Variants in MAPK6 observed in about 807,000 individuals in gnomAD.
The protein encoded by MAPK6 is ERK-3.
A neutral mutation model predicts 59.3 loss-of-function variants in MAPK6; 19 were observed. The observed-to-expected ratio is 0.32, with a 90% CI of 0.22 to 0.47. The LOEUF (loss-of-function observed/expected upper bound fraction) is 0.47, where lower values mean the gene tolerates loss of function less well. MAPK6 is among the 20% of genes least tolerant of loss of function. The pLI is 1.00. For missense variants in MAPK6, 724 were observed against 847.9 expected, an observed-to-expected ratio of 0.85 and a Z score of 1.81; for synonymous variants, 316 against 290.3, an observed-to-expected ratio of 1.09 and a Z score of -0.90.
chr15:51,997,827 G>T (rs962555547), intron 2 of MAPK6, among the ~76,000 whole-genome samples: 1 of 151,588 alleles, frequency 6.6e-6, no homozygotes, highest in African/African-American at 2.4e-5. Context: ...CCTGACCTCT[G>T]GCGATCCACC....
chr15:52,028,557 A>C (rs925823004), intron 1 of MAPK6, among the ~76,000 whole-genome samples: 2 of 152,286 alleles, frequency 1.3e-5, no homozygotes, highest in Non-Finnish European at 2.9e-5. Flanking sequence ...TTAAAAGAAA[A>C]ATTTAAAAAA....
intron 2 of MAPK6, among the ~76,000 whole-genome samples, chr15:51,999,624 T>C (rs1053320530): frequency 6.6e-6 from 1 of 152,116 alleles, no homozygotes; most frequent in Admixed American, 6.6e-5. Flanking sequence ...TATTTTAGTT[T>C]CCCTCTTTTT....
At chr15:52,040,071 G>C (rs2031370135) in intron 1 of MAPK6, among the ~76,000 whole-genome samples, 2 of 152,322 alleles carry the variant, frequency 1.3e-5, no homozygotes, top group East Asian at 3.9e-4. Flanking sequence ...TTAGGAGCAA[G>C]GGCTTTGTCA....
Position 52,064,863 on chromosome 15 carries a change from A to G in MAPK6, c.2029A>G (p.Ile677Val), listed in dbSNP as rs2032351549. 1 of 1,611,894 alleles carries G rather than the reference A, an allele frequency of 6.2e-7. No homozygotes were observed. Among genetic ancestry groups the G allele is most frequent in the African/African-American group, 1.3e-5 (1 of 74,856 alleles). ...EFLFNKQLES[I>V]GIPQFHSPVG... is the part of the protein sequence containing the mutation. ...CCTCTTTAACAAGCAGCTCGAGTCCATAGGCATCCCACAGTTTCACAGTCC... is the reference window on the plus strand; with the variant it reads ...CCTCTTTAACAAGCAGCTCGAGTCCGTAGGCATCCCACAGTTTCACAGTCC... The change falls in exon 6 of 6, where the codon ATA becomes GTA. Residue 677 changes from isoleucine to valine, a missense_variant. Ile to Val is a conservative substitution (Grantham distance 29). Coordinates refer to ENST00000261845, the MANE Select transcript of MAPK6 (RefSeq NM_002748.4).
intron 1 of MAPK6, among the ~76,000 whole-genome samples, chr15:51,979,962 T>C (rs1420860708): frequency 2.6e-5 from 4 of 151,664 alleles, no homozygotes; most frequent in African/African-American, 9.7e-5. Flanking sequence ...TCTGTACCTT[T>C]TGAATTTTGT....
intron 2 of MAPK6, among the ~76,000 whole-genome samples, chr15:51,986,388 A>G (rs568014069): frequency 6.6e-6 from 1 of 152,158 alleles, no homozygotes; most frequent in South Asian, 2.1e-4. Flanking sequence ...TTTTTTTTTA[A>G]GTATATGTAT....
intron 3 of MAPK6, among the ~76,000 whole-genome samples, chr15:52,054,140 A>G (rs575226731): frequency 4.6e-4 from 70 of 151,646 alleles, no homozygotes; most frequent in African/African-American, 1.6e-3. Flanking sequence ...TGCGGAGGCA[A>G]GTGGATCACC....
intron 3 of MAPK6, 140 bp from the exon 4 acceptor site, chr15:52,058,493 A>C: frequency 1.6e-6 from 1 of 629,850 alleles, no homozygotes; most frequent in East Asian, 3.0e-5. Flanking sequence ...GGTGATAGTC[A>C]AAGCAATGAA....
Position 52,046,681 on chromosome 15 carries a change from A to G in MAPK6, c.221A>G (p.His74Arg). Residue 74 changes from histidine (H) to arginine (R), a missense_variant, in exon 2 of 6, where the codon CAT (histidine) becomes CGT (arginine). His to Arg is a conservative substitution (Grantham distance 29). This residue lies in a region of MAPK6 where 87 missense variants were observed against 93.0 expected (regional missense o/e 0.93). Coordinates refer to ENST00000261845, the MANE Select transcript of MAPK6 (RefSeq NM_002748.4). ...ATCAAAATTATTAGAAGACTTGACC[A>G]TGATAACATTGTGAAAGTGTTTGAG... ...REIKIIRRLD[H>R]DNIVKVFEIL... 1 of 1,614,212 alleles carries G rather than the reference A, an allele frequency of 6.2e-7. No homozygotes were observed. The highest frequency in any genetic ancestry group is 1.7e-5 in the Admixed American group (1 of 60,024).
In MAPK6 at chr15:52,046,454, T is replaced by C. The variant is rs2031594779; in HGVS notation, c.-7T>C. 2.5e-6 allele frequency: 4 copies of C among 1,586,602 alleles called. No individual in the cohort carries two copies. The highest frequency in any genetic ancestry group is 1.8e-5 in the Admixed American group (1 of 55,236). On this transcript the variant is annotated 5_prime_UTR_variant, in exon 2 of 6. Transcript: ENST00000261845. ...TGAAAGGAAAAGGCAATAGTAAGGGTTTCAAAATGGCAGAGAAATTTGAAA... is the reference window on the plus strand; with the variant it reads ...TGAAAGGAAAAGGCAATAGTAAGGGCTTCAAAATGGCAGAGAAATTTGAAA...
chr15:52,013,007 AAAAAAAAAAAAAAATATATATATATAT>A (rs1392043526), intron 3 of MAPK6, among the ~76,000 whole-genome samples: 31 of 22,494 alleles, frequency 1.4e-3, no homozygotes, highest in Non-Finnish European at 2.7e-3. Flanking sequence ...AAAAAAAAAA[AAAAAAAAAAAAAAATATATATATATAT>A]ATATATATAT....
intron 3 of MAPK6, among the ~76,000 whole-genome samples, chr15:52,052,661 G>A (rs1381553193): frequency 6.6e-6 from 1 of 152,154 alleles, no homozygotes. Context: ...TGGACTTTGT[G>A]ACAGGCTTCT....
chr15:52,029,646 T>C (rs2441781), intron 1 of MAPK6, among the ~76,000 whole-genome samples: 20,069 of 152,188 alleles, frequency 0.13, 2,419 homozygotes, highest in African/African-American at 0.3. Flanking sequence ...CCAGTCTTTC[T>C]CTCTTCTGTA....
chr15:51,974,453 G>A (rs1368186658), intron 1 of MAPK6, among the ~76,000 whole-genome samples: 4 of 150,996 alleles, frequency 2.6e-5, no homozygotes, highest in South Asian at 2.1e-4. Flanking sequence ...TCAGGAGATC[G>A]AGACCATCCT....
intron 2 of MAPK6, among the ~76,000 whole-genome samples, chr15:51,998,730 G>A (rs1461695040): frequency 2.6e-5 from 2 of 76,946 alleles, no homozygotes; most frequent in South Asian, 4.1e-4. Context: ...TCGCTCTGCC[G>A]CCCAGGCTGG....
At chr15:52,001,543 CTG>C (rs1162674517) in intron 2 of MAPK6, among the ~76,000 whole-genome samples, 3 of 138,368 alleles carry the variant, frequency 2.2e-5, no homozygotes, top group Non-Finnish European at 4.6e-5. Context: ...GAGTCCCACT[CTG>C]TCACCCAGTC....
chr15:52,029,785 A>T (rs1288832318), intron 1 of MAPK6, among the ~76,000 whole-genome samples: 2 of 152,060 alleles, frequency 1.3e-5, no homozygotes, highest in Non-Finnish European at 2.9e-5. Context: ...TTACATCTTT[A>T]TTTCTGCCAC....
chr15:52,049,724 C>T (rs947935861), intron 2 of MAPK6, among the ~76,000 whole-genome samples: 1 of 151,388 alleles, frequency 6.6e-6, no homozygotes, highest in African/African-American at 2.4e-5. Context: ...GAGCGATTCT[C>T]CTGGCTCAGC....
rs544544057 is a variant in MAPK6, at chr15:51,989,174, G to A, written c.-770+5859G>A. Among the ~76,000 whole-genome samples, 183 of 151,576 alleles carry A rather than the reference G, an allele frequency of 1.2e-3. 1 individual carries two copies. The highest frequency in any genetic ancestry group is 3.4e-3 in the Admixed American group (52 of 15,192). Reference sequence around the variant, plus strand: ...GGCTCACTGTAACCTCTGCTTTCCGGGTTCAAGCAATTCTCCCACCTCAGC... The same window carrying A: ...GGCTCACTGTAACCTCTGCTTTCCGAGTTCAAGCAATTCTCCCACCTCAGC... On this transcript the variant is annotated intron_variant, in intron 2 of 7. Coordinates refer to the MAPK6 transcript ENST00000691380.
Sources: allele counts gnomAD v4.1 joint callset (sites outside exome capture counted in the v4.1 genomes callset), GRCh38; gene constraint gnomAD v4.1.1; regional missense constraint gnomAD v4.1.1; transcripts MANE v1.5; gene names NCBI Gene and HGNC (gene_info 2026-07-23, HGNC 2026-07-21).